Variants in DAB1 observed in about 807,000 individuals in gnomAD.
The protein encoded by DAB1 is disabled homolog 1.
In DAB1, 15 loss-of-function variants were observed where a neutral mutation model predicts 64.6. That is an observed-to-expected ratio of 0.23 (90% CI 0.16 to 0.36). The LOEUF is 0.36. Among genes scored for constraint, DAB1 ranks in the 10% least tolerant of loss-of-function variants. The pLI, the probability that DAB1 is intolerant of heterozygous loss-of-function variation, is 1.00. For missense variants in DAB1, 596 were observed against 706.7 expected, an observed-to-expected ratio of 0.84 and a Z score of 1.78; for synonymous variants, 235 against 251.9, an observed-to-expected ratio of 0.93 and a Z score of 0.64.
intron 7 of DAB1, among the ~76,000 whole-genome samples, chr1:57,518,273 T>C (rs1644486318): frequency 6.6e-6 from 1 of 152,196 alleles, no homozygotes; most frequent in Non-Finnish European, 1.5e-5. Context: ...TTATTGGTCT[T>C]GTTTTTCTTG....
chr1:57,884,710 A>C (rs1644197242), upstream of DAB1, among the ~76,000 whole-genome samples: 1 of 152,116 alleles, frequency 6.6e-6, no homozygotes, highest in South Asian at 2.1e-4. Context: ...TGTCCTCCAA[A>C]CCTCATGTTC....
chr1:57,847,945 T>C (rs1370631079), intron 1 of DAB1, among the ~76,000 whole-genome samples: 1 of 152,188 alleles, frequency 6.6e-6, no homozygotes, highest in Non-Finnish European at 1.5e-5. Flanking sequence ...TATTACAAAG[T>C]AGGAGATTAT....
intron 1 of DAB1, among the ~76,000 whole-genome samples, chr1:57,836,322 C>G (rs569364593): frequency 6.2e-4 from 94 of 152,238 alleles, no homozygotes; most frequent in African/African-American, 2.1e-3. Flanking sequence ...TGTTCCATGC[C>G]TATATAGTTT....
At chr1:57,054,366 G>A (rs184386591) in intron 9 of DAB1, among the ~76,000 whole-genome samples, 11 of 152,140 alleles carry the variant, frequency 7.2e-5, no homozygotes, top group Middle Eastern at 3.4e-3. Flanking sequence ...TCCCACTGTG[G>A]GACCTGAGTC....
At chr1:58,418,983 T>C (rs1005664583) in intron 3 of DAB1, among the ~76,000 whole-genome samples, 5 of 152,156 alleles carry the variant, frequency 3.3e-5, no homozygotes, top group African/African-American at 4.8e-5. Flanking sequence ...GAGATAGATG[T>C]TAGGGTGAAT....
chr1:57,255,246 G>T (rs197646), intron 2 of DAB1, among the ~76,000 whole-genome samples: 1,770 of 152,254 alleles, frequency 0.012, 38 homozygotes, highest in African/African-American at 0.041. Flanking sequence ...TATACAGGTT[G>T]AGCCAAACCT....
At chr1:57,567,544 A>T (rs1645138559) in intron 7 of DAB1, among the ~76,000 whole-genome samples, 1 of 152,222 alleles carries the variant, frequency 6.6e-6, no homozygotes, top group Non-Finnish European at 1.5e-5. Context: ...TCTCAGCCCC[A>T]AATCTCCTTA....
intron 5 of DAB1, among the ~76,000 whole-genome samples, chr1:57,914,956 G>A (rs2102014184): frequency 6.6e-6 from 1 of 152,196 alleles, no homozygotes; most frequent in Admixed American, 6.5e-5. Context: ...TATGAAAATT[G>A]CAGAAATTTG....
intron 14 of DAB1, among the ~76,000 whole-genome samples, chr1:57,004,235 T>G (rs528254688): frequency 1.3e-5 from 2 of 152,304 alleles, no homozygotes; most frequent in Admixed American, 6.5e-5. Flanking sequence ...GCCCCAGCTC[T>G]TTGGCATGAA....
chr1:58,366,945 C>G (rs757590029), intron 3 of DAB1, among the ~76,000 whole-genome samples: 6 of 152,154 alleles, frequency 3.9e-5, no homozygotes, highest in South Asian at 2.1e-4. Flanking sequence ...GATTTTCAAA[C>G]AATATTTTAA....
intron 7 of DAB1, among the ~76,000 whole-genome samples, chr1:57,520,481 A>G (rs778150801): frequency 6.6e-6 from 1 of 152,076 alleles, no homozygotes; most frequent in Non-Finnish European, 1.5e-5. Flanking sequence ...TTTTGCATAT[A>G]TTGTTCTTTA....
chr1:57,331,153 G>C (rs147049401), intron 1 of DAB1, among the ~76,000 whole-genome samples: 1 of 151,788 alleles, frequency 6.6e-6, no homozygotes, highest in African/African-American at 2.4e-5. Flanking sequence ...TATTTTTTTT[G>C]ACTCTCTGTA....
At chr1:57,366,720 T>C (rs1680025588) in intron 1 of DAB1, among the ~76,000 whole-genome samples, 1 of 152,228 alleles carries the variant, frequency 6.6e-6, no homozygotes, top group Admixed American at 6.5e-5. Context: ...GTACTGTTAT[T>C]ATTCTGACCT....
chr1:57,412,422 G>A (rs750913662), intron 1 of DAB1, among the ~76,000 whole-genome samples: 57 of 152,334 alleles, frequency 3.7e-4, no homozygotes, highest in Middle Eastern at 3.4e-3. Flanking sequence ...GGCCTCTTGT[G>A]CCAGACAGCC....
intron 2 of DAB1, among the ~76,000 whole-genome samples, chr1:57,204,324 G>A (rs1665358281): frequency 6.6e-6 from 1 of 152,048 alleles, no homozygotes; most frequent in Non-Finnish European, 1.5e-5. Flanking sequence ...ATTTTGAAAT[G>A]GGAGTGGGGG....
chr1:58,047,605 A>G (rs1266938229), intron 5 of DAB1, among the ~76,000 whole-genome samples: 2 of 152,182 alleles, frequency 1.3e-5, no homozygotes, highest in Non-Finnish European at 2.9e-5. Context: ...TCGCTTGTTT[A>G]TGGTTAAAGA....
In DAB1 at chr1:57,041,488, C is replaced by T. The variant is rs190103706; in HGVS notation, c.724-15445G>A. Among the ~76,000 whole-genome samples the T allele has an allele frequency of 2.8e-4, 42 of 152,266 alleles. No individual in the cohort carries two copies. In the East Asian group the frequency reaches 3.7e-3, roughly 13 times the overall value. ...AAGTTCATTGTGGCTGTGCTGTTCCCGGGACTGCAACCAACTTCATGTGAA... is the reference window on the plus strand; with the variant it reads ...AAGTTCATTGTGGCTGTGCTGTTCCTGGGACTGCAACCAACTTCATGTGAA... On this transcript the variant is annotated intron_variant, in intron 9 of 14. Coordinates refer to ENST00000371236, the MANE Select transcript of DAB1 (RefSeq NM_001365792.1).
intron 2 of DAB1, among the ~76,000 whole-genome samples, chr1:57,248,962 C>T (rs1558021499): frequency 6.6e-6 from 1 of 152,192 alleles, no homozygotes; most frequent in Non-Finnish European, 1.5e-5. Flanking sequence ...AAGCCACCTG[C>T]TTTTTGCTGC....
chr1:57,812,455 T>C (rs1438036963), intron 6 of DAB1, among the ~76,000 whole-genome samples: 2 of 151,248 alleles, frequency 1.3e-5, no homozygotes, highest in Admixed American at 6.6e-5. Flanking sequence ...TTCCCTTGAG[T>C]GAAGATGTGT....
Sources: gnomAD v4.1 joint callset for allele counts (sites outside exome capture counted in the v4.1 genomes callset) on GRCh38, gnomAD v4.1.1 for gene constraint, MANE v1.5 for transcripts, NCBI Gene and HGNC (gene_info 2026-07-23, HGNC 2026-07-21) for gene names.